Variants in SDK1 observed in about 807,000 individuals in gnomAD.
The protein encoded by SDK1 is sidekick cell adhesion molecule 1.
A neutral mutation model predicts 245.5 loss-of-function variants in SDK1; 157 were observed. The observed-to-expected ratio is 0.64, with a 90% confidence interval of 0.56 to 0.73. SDK1 has a LOEUF of 0.73. Among genes scored for constraint, SDK1 ranks in the 30% least tolerant of loss-of-function variants. SDK1 has a pLI of 0.00. For missense variants in SDK1, 3,583 were observed against 3,002.3 expected, an observed-to-expected ratio of 1.19 and a Z score of -4.52; for synonymous variants, 1,647 against 1,278.5, an observed-to-expected ratio of 1.29 and a Z score of -6.15.
At position 4,268,098 on chromosome 7, in the gene SDK1, T is replaced by C; in HGVS notation, c.*2714T>C. On this transcript the variant is annotated 3_prime_UTR_variant, in exon 45 of 45. Transcript: ENST00000404826. Reference sequence around the variant, plus strand: ...TGTCTCTAAGCCAGGCTAGATGGAATGTGCTCCCGCTCTCTCCTGCCGTGC... The same window carrying C: ...TGTCTCTAAGCCAGGCTAGATGGAACGTGCTCCCGCTCTCTCCTGCCGTGC... 1.0e-6 allele frequency: 1 copy of C among 985,534 alleles called. No homozygotes were observed. Among genetic ancestry groups the C allele is most frequent in the Non-Finnish European group, 1.2e-6 (1 of 829,990 alleles). 61.0% of individuals were successfully genotyped at this position (985,534 alleles called of 1,614,324 possible).
chr7:3,831,520 A>G (rs1470096724), intron 5 of SDK1, among the ~76,000 whole-genome samples: 1 of 152,186 alleles, frequency 6.6e-6, no homozygotes, highest in African/African-American at 2.4e-5. Flanking sequence ...AAATGAAAAT[A>G]TATTATTTTC....
chr7:4,155,051 G>T (rs1392281755), intron 30 of SDK1, among the ~76,000 whole-genome samples: 1 of 151,976 alleles, frequency 6.6e-6, no homozygotes, highest in Non-Finnish European at 1.5e-5. Flanking sequence ...GCAGGTTGGG[G>T]TGAGTGCACA....
chr7:3,498,618 C>T (rs1165633584), intron 1 of SDK1, among the ~76,000 whole-genome samples: 1 of 152,160 alleles, frequency 6.6e-6, no homozygotes, highest in Non-Finnish European at 1.5e-5. Flanking sequence ...CTGTCGGCTT[C>T]CTCTTGTTTT....
intron 19 of SDK1, among the ~76,000 whole-genome samples, chr7:4,065,172 T>C (rs941424828): frequency 2.0e-5 from 3 of 152,108 alleles, no homozygotes; most frequent in Non-Finnish European, 2.9e-5. Context: ...ACCTGTACCA[T>C]AGAAATGTGT....
At chr7:4,204,318 G>A (rs1266071468) in intron 35 of SDK1, among the ~76,000 whole-genome samples, 1 of 152,150 alleles carries the variant, frequency 6.6e-6, no homozygotes, top group Non-Finnish European at 1.5e-5. Flanking sequence ...TGATTCTGCT[G>A]TTTAATGGGG....
At chr7:3,707,181 A>G (rs890328123) in intron 4 of SDK1, among the ~76,000 whole-genome samples, 1 of 152,138 alleles carries the variant, frequency 6.6e-6, no homozygotes, top group Admixed American at 6.5e-5. Flanking sequence ...TTTTTTGTGG[A>G]GGCACTTTAT....
rs972069229 is a variant in SDK1, at chr7:4,267,149, G to A, written c.*1765G>A. The stretch of plus-strand genomic sequence containing the variant: ...CTTTTCAGTCTTTCCAAAATTAGAG[G>A]GTATGGCAAGTTTCCTTTTTTCTCT... On this transcript the variant is annotated 3_prime_UTR_variant, in exon 45 of 45. Coordinates refer to ENST00000404826, the MANE Select transcript of SDK1 (RefSeq NM_152744.4). The A allele has an allele frequency of 1.0e-6, 1 of 985,050 alleles. No homozygotes were observed. The highest frequency in any genetic ancestry group is 1.2e-6 in the Non-Finnish European group (1 of 829,794). The allele number at this position is 985,050 out of a possible 1,614,324, so 61.0% of individuals were successfully genotyped here.
At chr7:4,176,775 A>C (rs752662930) in intron 34 of SDK1, among the ~76,000 whole-genome samples, 24 of 152,184 alleles carry the variant, frequency 1.6e-4, no homozygotes, top group Non-Finnish European at 3.2e-4. Context: ...CATGAGCTTA[A>C]CGTCTTCAAG....
intron 1 of SDK1, among the ~76,000 whole-genome samples, chr7:3,457,892 T>C (rs1780719990): frequency 6.6e-6 from 1 of 152,222 alleles, no homozygotes; most frequent in Non-Finnish European, 1.5e-5. Flanking sequence ...TGAGAATGCA[T>C]GTGTAAGAAG....
At chr7:3,730,478 C>G (rs537281495) in intron 4 of SDK1, among the ~76,000 whole-genome samples, 1 of 152,148 alleles carries the variant, frequency 6.6e-6, no homozygotes, top group South Asian at 2.1e-4. Context: ...GTGGGTAGGA[C>G]ACAGAAGGTA....
chr7:3,609,679 C>CAGGAGCCATCATACCTGGCATAGAGCT, intron 1 of SDK1, among the ~76,000 whole-genome samples: 1 of 151,670 alleles, frequency 6.6e-6, no homozygotes, highest in South Asian at 2.1e-4. Context: ...GGATTATAGG[C>CAGGAGCCATCATACCTGGCATAGAGCT]GTAAGCTACG....
chr7:3,867,243 TAGGCCCCTAACAC>T (rs1468652434), intron 5 of SDK1, among the ~76,000 whole-genome samples: 1 of 152,078 alleles, frequency 6.6e-6, no homozygotes, highest in Non-Finnish European at 1.5e-5. Context: ...AAGAAAAAAA[TAGGCCCCTAACAC>T]AGGAGAGAGA....
At chr7:3,532,072 A>G (rs956308374) in intron 1 of SDK1, among the ~76,000 whole-genome samples, 2 of 152,152 alleles carry the variant, frequency 1.3e-5, no homozygotes, top group African/African-American at 4.8e-5. Flanking sequence ...TGTTGATGGA[A>G]ATTTTTGTAG....
intron 1 of SDK1, among the ~76,000 whole-genome samples, chr7:3,588,187 A>G (rs891135801): frequency 5.9e-5 from 9 of 152,200 alleles, no homozygotes; most frequent in African/African-American, 2.2e-4. Flanking sequence ...TGTCAGTCAA[A>G]TATAAGGTTT....
intron 2 of SDK1, among the ~76,000 whole-genome samples, chr7:3,623,940 A>C (rs2128645986): frequency 6.6e-6 from 1 of 152,352 alleles, no homozygotes; most frequent in East Asian, 1.9e-4. Flanking sequence ...AGGGAAAATA[A>C]GAATGGTTAA....
rs542434478 is a variant in SDK1, at chr7:3,619,402, C to G, written c.458+163C>G. ...GAATATGTAATTAGAATGTGATTTA[C>G]TATTCTGATATAGGTTGTACTTACA... On this transcript the variant is annotated intron_variant, in intron 2 of 44. Transcript: ENST00000404826. Among the ~76,000 whole-genome samples, 3 of 152,304 alleles carry G rather than the reference C, an allele frequency of 2.0e-5. No homozygotes were observed. The South Asian group carries it at 6.2e-4, about 32-fold the overall frequency.
intron 32 of SDK1, among the ~76,000 whole-genome samples, chr7:4,167,410 C>CA (rs1218772360): frequency 7.3e-6 from 1 of 136,074 alleles, no homozygotes; most frequent in Non-Finnish European, 1.5e-5. Flanking sequence ...TTGAAAAAAA[C>CA]AAAAACAACA....
intron 5 of SDK1, among the ~76,000 whole-genome samples, chr7:3,950,111 A>G (rs984511127): frequency 6.6e-6 from 1 of 152,262 alleles, no homozygotes; most frequent in African/African-American, 2.4e-5. Flanking sequence ...AACAGTTTAA[A>G]TAAAGCCCCT....
intron 1 of SDK1, among the ~76,000 whole-genome samples, chr7:3,562,029 C>T (rs895914204): frequency 2.0e-5 from 3 of 152,162 alleles, no homozygotes; most frequent in Admixed American, 6.5e-5. Context: ...TTTAGGCCTC[C>T]GTTTTTCAAC....
Sources: gnomAD v4.1 joint callset for allele counts (sites outside exome capture counted in the v4.1 genomes callset) on GRCh38, gnomAD v4.1.1 for gene constraint, MANE v1.5 for transcripts, NCBI Gene and HGNC (gene_info 2026-07-23, HGNC 2026-07-21) for gene names.